The following NR6A1 variants were observed in gnomAD, a reference collection of about 807,000 sequenced individuals.
The protein encoded by NR6A1 is retinoic acid receptor-related testis-associated receptor.
A neutral mutation model predicts 59.1 loss-of-function variants in NR6A1; 7 were observed. The ratio of observed to expected loss-of-function variants is 0.12; its 90% CI spans 0.07 to 0.22. The LOEUF (loss-of-function observed/expected upper bound fraction) is 0.22, where lower values mean the gene tolerates loss of function less well. Among genes scored for constraint, NR6A1 ranks in the 10% least tolerant of loss-of-function variants. The pLI is 1.00. For synonymous variants in NR6A1, 243 were observed against 236.1 expected (o/e 1.03, Z -0.27); for missense variants, 468 against 611.6 (o/e 0.77, Z 2.48).
At chr9:124,606,780 C>T (rs1424394353) in intron 2 of NR6A1, among the ~76,000 whole-genome samples, 2 of 152,220 alleles carry the variant, frequency 1.3e-5, no homozygotes, top group East Asian at 1.9e-4. Context: ...TATGTGCCAT[C>T]ACCCGCTGGC....
intron 2 of NR6A1, among the ~76,000 whole-genome samples, chr9:124,621,635 C>A (rs1836080217): frequency 6.6e-6 from 1 of 150,868 alleles, no homozygotes; most frequent in African/African-American, 2.4e-5. Flanking sequence ...GCCTGGGTGA[C>A]AGAGTAAGAC....
intron 2 of NR6A1, among the ~76,000 whole-genome samples, chr9:124,718,802 CCT>C (rs1491513118): frequency 9.3e-4 from 104 of 112,302 alleles, no homozygotes; most frequent in African/African-American, 3.1e-3. Context: ...TAAATTGTTA[CCT>C]TTTTTTTTTT....
intron 2 of NR6A1, among the ~76,000 whole-genome samples, chr9:124,719,606 A>G (rs930285590): frequency 1.3e-5 from 2 of 152,150 alleles, no homozygotes; most frequent in Non-Finnish European, 2.9e-5. Context: ...GTGAAAACCT[A>G]AGAGTATACG....
intron 2 of NR6A1, among the ~76,000 whole-genome samples, chr9:124,674,967 A>C (rs1017474251): frequency 2.6e-5 from 4 of 152,176 alleles, no homozygotes; most frequent in Admixed American, 1.3e-4. Context: ...AACACAGCTA[A>C]CCTTTGTGCG....
At chr9:124,622,324 C>G (rs1183580541) in intron 2 of NR6A1, among the ~76,000 whole-genome samples, 1 of 152,196 alleles carries the variant, frequency 6.6e-6, no homozygotes, top group Non-Finnish European at 1.5e-5. Flanking sequence ...ATCCCATGTC[C>G]TTCACACTAA....
rs11337023 is a variant in NR6A1 at position 124,633,402 on chromosome 9, C to CAAA, written c.143-78835_143-78833dup. Among the ~76,000 whole-genome samples the CAAA allele has an allele frequency of 1.8e-3, 133 of 72,706 alleles. 1 individual carries two copies. The highest frequency in any genetic ancestry group is 5.6e-3 in the African/African-American group (107 of 18,994). 47.7% of individuals were successfully genotyped at this position (72,706 alleles called of 152,430 possible). On this transcript the variant is annotated intron_variant, in intron 2 of 9. Coordinates refer to ENST00000487099, the MANE Select transcript of NR6A1 (RefSeq NM_033334.4). Reference sequence around the variant, plus strand: ...TGGGCGACAGAGCGAAACTCCGTCTCAAAAAAAAAAAAAAAAAAAAAAAGT... The same window carrying CAAA: ...TGGGCGACAGAGCGAAACTCCGTCTCAAAAAAAAAAAAAAAAAAAAAAAAAAGT...
At chr9:124,582,861 A>T (rs1057275656) in intron 2 of NR6A1, among the ~76,000 whole-genome samples, 2 of 152,220 alleles carry the variant, frequency 1.3e-5, no homozygotes, top group Non-Finnish European at 2.9e-5. Context: ...CAAAAGAACA[A>T]GACCCCATCT....
At chr9:124,587,103 C>T (rs1834959556) in intron 2 of NR6A1, among the ~76,000 whole-genome samples, 1 of 152,226 alleles carries the variant, frequency 6.6e-6, no homozygotes, top group African/African-American at 2.4e-5. Flanking sequence ...TAGCAGCCAT[C>T]AACACTGCAG....
At position 124,536,245 on chromosome 9, in the gene NR6A1, C is replaced by T. The variant is rs554458886; in HGVS notation, c.825-113G>A. ...AGGGACCCTGGCAATGGGCTCCTTG[C>T]TCCATGCCCACGGGTCTCCAGTTCC... On this transcript the variant is annotated intron_variant, in intron 6 of 9. Transcript: ENST00000487099. 23 of 1,196,862 alleles carry T rather than the reference C, an allele frequency of 1.9e-5. No homozygotes were observed. In the Admixed American group the frequency reaches 3.9e-4, roughly 21 times the overall value. 74.1% of individuals were successfully genotyped at this position (1,196,862 alleles called of 1,614,324 possible). A position where few individuals can be genotyped will look rare whatever the true frequency, so the allele number is the denominator to read the frequency against.
intron 2 of NR6A1, among the ~76,000 whole-genome samples, chr9:124,725,063 C>T (rs1057428854): frequency 6.6e-6 from 1 of 152,164 alleles, no homozygotes; most frequent in African/African-American, 2.4e-5. Flanking sequence ...CAAGTCGGTC[C>T]TTGTTCTCTT....
chr9:124,647,807 A>G (rs1281636043), intron 2 of NR6A1, among the ~76,000 whole-genome samples: 3 of 152,120 alleles, frequency 2.0e-5, no homozygotes, highest in African/African-American at 7.2e-5. Flanking sequence ...GTAGCAAGAA[A>G]GAGGCAGTAA....
chr9:124,622,526 T>C (rs1450048891), intron 2 of NR6A1, among the ~76,000 whole-genome samples: 1 of 152,244 alleles, frequency 6.6e-6, no homozygotes, highest in Non-Finnish European at 1.5e-5. Flanking sequence ...CTTTACTTAA[T>C]CACATTCTCT....
At chr9:124,748,365 G>C (rs1409356431) in intron 1 of NR6A1, among the ~76,000 whole-genome samples, 2 of 151,912 alleles carry the variant, frequency 1.3e-5, no homozygotes, top group East Asian at 3.9e-4. Flanking sequence ...AACCCTTAAG[G>C]GGTTATCAAG....
intron 1 of NR6A1, among the ~76,000 whole-genome samples, chr9:124,750,560 A>G (rs967751742): frequency 3.9e-5 from 6 of 152,256 alleles, no homozygotes; most frequent in African/African-American, 1.4e-4. Context: ...GGAGAACGAG[A>G]CCAGCCTGGC....
At chr9:124,532,389 T>C (rs1833127550) in intron 7 of NR6A1, among the ~76,000 whole-genome samples, 2 of 152,198 alleles carry the variant, frequency 1.3e-5, no homozygotes, top group South Asian at 4.1e-4. Flanking sequence ...ACTCACTCCT[T>C]GGTCTATGCT....
chr9:124,769,322 A>G (rs1841040585), intron 1 of NR6A1, among the ~76,000 whole-genome samples: 1 of 152,110 alleles, frequency 6.6e-6, no homozygotes, highest in East Asian at 1.9e-4. Flanking sequence ...AGTGAAGTTA[A>G]CCAAGCTCTC....
intron 3 of NR6A1, among the ~76,000 whole-genome samples, chr9:124,552,306 T>C (rs187682192): frequency 3.9e-4 from 59 of 152,186 alleles, no homozygotes; most frequent in Admixed American, 1.2e-3. Context: ...ATGTTTGGTA[T>C]TGGTGGCTGG....
chr9:124,734,713 G>T (rs1001157751), intron 1 of NR6A1, among the ~76,000 whole-genome samples: 1 of 151,810 alleles, frequency 6.6e-6, no homozygotes, highest in Non-Finnish European at 1.5e-5. Flanking sequence ...ACAAAAAAAA[G>T]AAGCAAAATT....
At chr9:124,750,848 A>G (rs1362315366) in intron 1 of NR6A1, among the ~76,000 whole-genome samples, 1 of 152,202 alleles carries the variant, frequency 6.6e-6, no homozygotes, top group Non-Finnish European at 1.5e-5. Context: ...TTCAAAGACC[A>G]TACTTGTCTC....
Sources: gnomAD v4.1 joint callset for allele counts (sites outside exome capture counted in the v4.1 genomes callset) on GRCh38, gnomAD v4.1.1 for gene constraint, MANE v1.5 for transcripts, NCBI Gene and HGNC (gene_info 2026-07-23, HGNC 2026-07-21) for gene names.